SLAMF6: variants seen among roughly 807,000 people sequenced by gnomAD.
The protein encoded by SLAMF6 is NK-T-B-antigen.
In SLAMF6, 21 loss-of-function variants were observed where a neutral mutation model predicts 38.3. The ratio of observed to expected loss-of-function variants is 0.55; its 90% CI spans 0.39 to 0.79. SLAMF6 has a LOEUF of 0.79. SLAMF6 is among the 30% of genes least tolerant of loss of function. The pLI is 0.00. For missense variants in SLAMF6, 341 were observed against 385.3 expected (o/e 0.89, Z 0.96); for synonymous variants, 152 against 146.3 (o/e 1.04, Z -0.28).
intron 1 of SLAMF6, among the ~76,000 whole-genome samples, chr1:160,505,064 T>G (rs1161684559): frequency 6.6e-6 from 1 of 152,194 alleles, no homozygotes; most frequent in Non-Finnish European, 1.5e-5. Context: ...CCTTCTGGTG[T>G]TCAAAGAAAT....
chr1:160,509,681 A>C (rs747580826), intron 1 of SLAMF6, among the ~76,000 whole-genome samples: 1 of 152,106 alleles, frequency 6.6e-6, no homozygotes, highest in African/African-American at 2.4e-5. Flanking sequence ...GGAAATTTAC[A>C]CTTTAAAAAA....
intron 1 of SLAMF6, among the ~76,000 whole-genome samples, chr1:160,522,378 T>A (rs57815015): frequency 0.011 from 1,599 of 152,194 alleles, 33 homozygotes; most frequent in African/African-American, 0.037. Flanking sequence ...TTTTATCTGC[T>A]ACCCTGGGCT....
intron 1 of SLAMF6, among the ~76,000 whole-genome samples, chr1:160,520,146 G>A (rs1439776616): frequency 2.0e-5 from 3 of 152,052 alleles, no homozygotes; most frequent in African/African-American, 7.2e-5. Context: ...AGATGTGGAC[G>A]GTTGGTAAAA....
At chr1:160,490,104 C>T in intron 5 of SLAMF6, 94 bp downstream of exon 5, 1 of 1,377,296 alleles carries the variant, frequency 7.3e-7, no homozygotes, top group Non-Finnish European at 1.0e-6. Flanking sequence ...ACTCCTTCCT[C>T]TGTCATTATC....
At chr1:160,507,969 T>A (rs1654275508) in intron 1 of SLAMF6, among the ~76,000 whole-genome samples, 1 of 152,050 alleles carries the variant, frequency 6.6e-6, no homozygotes, top group Non-Finnish European at 1.5e-5. Flanking sequence ...AAGGACCTCT[T>A]CAAGGAGGAC....
intron 2 of SLAMF6, among the ~76,000 whole-genome samples, chr1:160,495,038 A>T (rs1323759918): frequency 6.6e-6 from 1 of 152,190 alleles, no homozygotes; most frequent in African/African-American, 2.4e-5. Context: ...CTTCAAGAAC[A>T]TGATTTTGAC....
At chr1:160,508,902 A>T (rs1308854728) in intron 1 of SLAMF6, among the ~76,000 whole-genome samples, 1 of 152,230 alleles carries the variant, frequency 6.6e-6, no homozygotes, top group Non-Finnish European at 1.5e-5. Flanking sequence ...CATATGAAAA[A>T]ATGCTCATCA....
At chr1:160,494,503 G>A (rs1262039) in intron 2 of SLAMF6, among the ~76,000 whole-genome samples, 5,124 of 152,058 alleles carry the variant, frequency 0.034, 266 homozygotes, top group African/African-American at 0.11. Flanking sequence ...ATCTGTCTGC[G>A]CCCTAATTCC....
At chr1:160,512,495 T>G (rs969806810) in intron 1 of SLAMF6, among the ~76,000 whole-genome samples, 1 of 152,196 alleles carries the variant, frequency 6.6e-6, no homozygotes, top group African/African-American at 2.4e-5. Flanking sequence ...ACATCCTTTC[T>G]GCCAAGGGAC....
rs1654536389 is a variant in SLAMF6, at chr1:160,512,640, C to T, written c.49+10504G>A. On this transcript the variant is annotated intron_variant, in intron 1 of 7. Coordinates refer to ENST00000368057, the MANE Select transcript of SLAMF6 (RefSeq NM_001184714.2). The stretch of plus-strand genomic sequence containing the variant: ...AGTTTGGTGCCCCTCTTGGACGGAG[C>T]TCCCAGAGGAAGAAGCAGGCAGCCA... Among the ~76,000 whole-genome samples the T allele has an allele frequency of 3.9e-5, 6 of 152,288 alleles. No individual in the cohort carries two copies. In the South Asian group the frequency reaches 1.2e-3, roughly 32 times the overall value.
chr1:160,502,366 G>A (rs1210158879), intron 1 of SLAMF6, among the ~76,000 whole-genome samples: 1 of 152,220 alleles, frequency 6.6e-6, no homozygotes, highest in Non-Finnish European at 1.5e-5. Context: ...GCAACATGAA[G>A]GTGATGCTGA....
chr1:160,487,092 T>C lies in SLAMF6; in HGVS notation c.951+12A>G. 6.3e-7 allele frequency: 1 copy of C among 1,597,060 alleles called. No individual in the cohort carries two copies. The highest frequency in any genetic ancestry group is 2.2e-5 in the East Asian group (1 of 44,738). ...GTAAGAATATAAAAACATGGAGCAATCGTGGGCTTACCTCTTTGGAATGAT... is the reference window on the plus strand; with the variant it reads ...GTAAGAATATAAAAACATGGAGCAACCGTGGGCTTACCTCTTTGGAATGAT... On this transcript the variant is annotated intron_variant, in intron 7 of 7. Transcript: ENST00000368057.
intron 1 of SLAMF6, among the ~76,000 whole-genome samples, chr1:160,518,880 G>A (rs755033867): frequency 6.6e-6 from 1 of 152,036 alleles, no homozygotes; most frequent in Non-Finnish European, 1.5e-5. Flanking sequence ...GTTTACCTAT[G>A]TAACAAACTT....
intron 1 of SLAMF6, among the ~76,000 whole-genome samples, chr1:160,518,176 T>C (rs539143115): frequency 1.1e-4 from 16 of 151,288 alleles, no homozygotes; most frequent in African/African-American, 3.9e-4. Context: ...CACTGGTCAT[T>C]AGAGAAATGC....
chr1:160,509,494 G>A (rs1417793677), intron 1 of SLAMF6, among the ~76,000 whole-genome samples: 1 of 152,032 alleles, frequency 6.6e-6, no homozygotes, highest in Non-Finnish European at 1.5e-5. Context: ...TCACACACTG[G>A]GGCCTGTCAG....
intron 1 of SLAMF6, among the ~76,000 whole-genome samples, chr1:160,499,129 C>A (rs1283846170): frequency 1.3e-5 from 2 of 152,114 alleles, no homozygotes; most frequent in African/African-American, 4.8e-5. Context: ...GCCAAAAATT[C>A]TTTGCCAAGG....
At chr1:160,500,384 G>A (rs992595355) in intron 1 of SLAMF6, among the ~76,000 whole-genome samples, 5 of 152,144 alleles carry the variant, frequency 3.3e-5, no homozygotes, top group African/African-American at 1.2e-4. Context: ...TATTCCTTGA[G>A]CAGGCCAGGG....
intron 1 of SLAMF6, among the ~76,000 whole-genome samples, chr1:160,504,363 TGTC>T (rs1240981997): frequency 6.6e-6 from 1 of 152,140 alleles, no homozygotes; most frequent in Non-Finnish European, 1.5e-5. Context: ...TATATCAAAA[TGTC>T]ATGTTGTACA....
At chr1:160,507,370 AC>A (rs1473699657) in intron 1 of SLAMF6, among the ~76,000 whole-genome samples, 5 of 152,136 alleles carry the variant, frequency 3.3e-5, no homozygotes, top group African/African-American at 1.2e-4. Context: ...GCACCAAACA[AC>A]AGCCCCAAAA....
Sources: gnomAD v4.1 joint callset for allele counts (sites outside exome capture counted in the v4.1 genomes callset) on GRCh38, gnomAD v4.1.1 for gene constraint, MANE v1.5 for transcripts, NCBI Gene and HGNC (gene_info 2026-07-23, HGNC 2026-07-21) for gene names.